Variants in GALNT14 observed in about 807,000 individuals in gnomAD.
GALNT14 encodes the protein polypeptide N-acetylgalactosaminyltransferase 14.
A neutral mutation model predicts 77.5 loss-of-function variants in GALNT14; 60 were observed. The observed-to-expected ratio is 0.77, with a 90% CI of 0.63 to 0.96. The LOEUF is 0.96. Among genes scored for constraint, GALNT14 ranks in the 40% least tolerant of loss-of-function variants. The pLI is 0.00. For missense variants in GALNT14, 710 were observed against 731.0 expected, an observed-to-expected ratio of 0.97 and a Z score of 0.33; for synonymous variants, 280 against 281.7, an observed-to-expected ratio of 0.99 and a Z score of 0.06.
chr2:31,038,213 G>A (rs956991053), intron 1 of GALNT14, among the ~76,000 whole-genome samples: 2 of 148,730 alleles, frequency 1.3e-5, no homozygotes, highest in African/African-American at 5.0e-5. Flanking sequence ...TCCTGCCTCA[G>A]CCTCCCAAGG....
chr2:31,044,178 G>A (rs1024127125), intron 1 of GALNT14, among the ~76,000 whole-genome samples: 7 of 152,112 alleles, frequency 4.6e-5, no homozygotes, highest in Non-Finnish European at 5.9e-5. Context: ...AGAAAGACAG[G>A]CCTTTTGTCC....
chr2:30,942,294 T>C lies in GALNT14; in HGVS notation c.838A>G (p.Ile280Val). ...TCGATCACGAAGAGCCCTCCAGCTA[T>C]GATAGGAGTCCTGTGCATTTGGAAG... is the stretch of plus-strand genomic sequence containing the variant. Reference protein sequence around the residue: ...DPTEPIRTPIIAGGLFVIDKA... With the variant: ...DPTEPIRTPIVAGGLFVIDKA... The change falls in exon 9 of 15, where the codon ATA becomes GTA. Residue 280 changes from isoleucine to valine, a missense_variant. By Grantham distance (29) the Ile-to-Val change is conservative (BLOSUM62 3). Coordinates refer to ENST00000349752, the MANE Select transcript of GALNT14 (RefSeq NM_024572.4). 6.2e-7 allele frequency: 1 copy of C among 1,613,476 alleles called. No homozygotes were observed. The highest frequency in any genetic ancestry group is 8.5e-7 in the Non-Finnish European group (1 of 1,179,476).
intron 1 of GALNT14, among the ~76,000 whole-genome samples, chr2:31,079,799 G>C (rs1369278083): frequency 2.0e-5 from 3 of 152,130 alleles, no homozygotes; most frequent in Non-Finnish European, 4.4e-5. Flanking sequence ...CCCAACACGG[G>C]TCCCCCATTC....
chr2:31,061,812 G>A (rs923953739), intron 1 of GALNT14, among the ~76,000 whole-genome samples: 1 of 151,926 alleles, frequency 6.6e-6, no homozygotes, highest in Non-Finnish European at 1.5e-5. Context: ...TTAGTTCCTT[G>A]CCCTTTTCAG....
At chr2:30,978,499 C>A (rs914429576) in intron 2 of GALNT14, among the ~76,000 whole-genome samples, 7 of 152,126 alleles carry the variant, frequency 4.6e-5, no homozygotes, top group African/African-American at 1.7e-4. Context: ...ATGGTGCCTC[C>A]CACACATCAG....
chr2:30,966,668 C>T (rs539769432), intron 2 of GALNT14, among the ~76,000 whole-genome samples: 91 of 152,314 alleles, frequency 6.0e-4, no homozygotes, highest in African/African-American at 2.1e-3. Context: ...CACTCTCTAC[C>T]CTTTCAGCCC....
At chr2:31,029,344 A>T (rs928826514) in intron 1 of GALNT14, among the ~76,000 whole-genome samples, 3 of 152,176 alleles carry the variant, frequency 2.0e-5, no homozygotes, top group Non-Finnish European at 1.5e-5. Context: ...CCACGTCATG[A>T]CGTCTGCAAC....
At chr2:31,081,460 T>A (rs1011767004) in intron 1 of GALNT14, among the ~76,000 whole-genome samples, 7 of 152,244 alleles carry the variant, frequency 4.6e-5, no homozygotes. Flanking sequence ...AAAGACTGAG[T>A]TAACTCCAAA....
intron 6 of GALNT14, among the ~76,000 whole-genome samples, chr2:30,954,566 T>C (rs1401368216): frequency 2.6e-5 from 4 of 152,222 alleles, no homozygotes; most frequent in Non-Finnish European, 5.9e-5. Context: ...TAGGCCCATG[T>C]GACAGAACTT....
At chr2:31,010,592 G>A (rs2148440091) in intron 1 of GALNT14, among the ~76,000 whole-genome samples, 1 of 152,312 alleles carries the variant, frequency 6.6e-6, no homozygotes, top group East Asian at 1.9e-4. Context: ...TCCAGCCTGG[G>A]CAACAGAGAG....
At chr2:30,968,674 T>C (rs1668156316) in intron 2 of GALNT14, among the ~76,000 whole-genome samples, 1 of 152,214 alleles carries the variant, frequency 6.6e-6, no homozygotes, top group Non-Finnish European at 1.5e-5. Context: ...TGCAGTTCAA[T>C]GAGACTCCAA....
At chr2:30,988,612 C>T (rs1218386527) in intron 2 of GALNT14, among the ~76,000 whole-genome samples, 1 of 152,124 alleles carries the variant, frequency 6.6e-6, no homozygotes, top group Non-Finnish European at 1.5e-5. Context: ...GGCCTCTACT[C>T]TCGACTCAGA....
At chr2:31,002,306 C>T (rs13032317) in intron 1 of GALNT14, among the ~76,000 whole-genome samples, 51,953 of 151,682 alleles carry the variant, frequency 0.34, 10,088 homozygotes, top group African/African-American at 0.54. Flanking sequence ...GATGTGCGCC[C>T]GTGGTCCCAG....
chr2:31,078,947 T>C (rs1167500125), intron 1 of GALNT14: 3 of 1,289,142 alleles, frequency 2.3e-6, no homozygotes, highest in Admixed American at 4.6e-5. Context: ...ACACGACTCA[T>C]CTTGGGCCAT....
chr2:31,083,337 T>C (rs529035276), intron 1 of GALNT14, among the ~76,000 whole-genome samples: 1 of 152,186 alleles, frequency 6.6e-6, no homozygotes, highest in Non-Finnish European at 1.5e-5. Context: ...TAGAACTGAG[T>C]TTTTGTTGTA....
chr2:31,110,891 ACT>A (rs1558575641), intron 1 of GALNT14, among the ~76,000 whole-genome samples: 1 of 152,058 alleles, frequency 6.6e-6, no homozygotes, highest in Non-Finnish European at 1.5e-5. Context: ...ACTCATCCTG[ACT>A]CAGATGGGTT....
chr2:31,018,605 G>C (rs1671527971), intron 1 of GALNT14, among the ~76,000 whole-genome samples: 1 of 152,148 alleles, frequency 6.6e-6, no homozygotes, highest in Non-Finnish European at 1.5e-5. Context: ...TTTGGGTGGG[G>C]ACACAAAGCC....
At chr2:31,027,438 A>C (rs1672137009) in intron 1 of GALNT14, among the ~76,000 whole-genome samples, 1 of 152,000 alleles carries the variant, frequency 6.6e-6, no homozygotes, top group Non-Finnish European at 1.5e-5. Context: ...AAAAAAAAAA[A>C]AAAAAACAGT....
At chr2:31,021,728 T>C (rs1286302809) in intron 1 of GALNT14, among the ~76,000 whole-genome samples, 12 of 152,204 alleles carry the variant, frequency 7.9e-5, no homozygotes, top group Non-Finnish European at 2.9e-5. Flanking sequence ...CTGCAGACCA[T>C]CTGGCCCACA....
Sources: allele counts gnomAD v4.1 joint callset (sites outside exome capture counted in the v4.1 genomes callset), GRCh38; gene constraint gnomAD v4.1.1; transcripts MANE v1.5; gene names NCBI Gene and HGNC (gene_info 2026-07-23, HGNC 2026-07-21).